Variants in SSC4D observed in about 807,000 individuals in gnomAD.
SSC4D encodes scavenger receptor cysteine rich family member with 4 domains.
SSC4D carries 57 observed loss-of-function variants against 63.4 expected under a neutral mutation model. The ratio of observed to expected loss-of-function variants is 0.90; its 90% confidence interval spans 0.73 to 1.12. SSC4D has a LOEUF of 1.12. SSC4D is among the 50% of genes most tolerant of loss of function. SSC4D has a pLI of 0.00. For missense variants in SSC4D, 791 were observed against 806.4 expected, an observed-to-expected ratio of 0.98 and a Z score of 0.23; for synonymous variants, 352 against 345.4, an observed-to-expected ratio of 1.02 and a Z score of -0.21.
intron 1 of SSC4D, among the ~76,000 whole-genome samples, chr7:76,407,685 A>G (rs1311630174): frequency 6.6e-6 from 1 of 152,124 alleles, no homozygotes; most frequent in Non-Finnish European, 1.5e-5. Flanking sequence ...GTTAGCCATG[A>G]TCATGCCACT....
Position 76,397,880 on chromosome 7 carries a change from CCCCGT to C in SSC4D, c.554-53_554-49del, listed in dbSNP as rs1302378540. The stretch of plus-strand genomic sequence containing the variant: ...GGGCGCATCTCCCACTGGCCTCTGC[CCCCGT>C]CCGCACCGCAAGGGCAGCCCGGTGT... On this transcript the variant is annotated intron_variant, in intron 5 of 10. Transcript: ENST00000275560. The C allele has an allele frequency of 8.9e-6, 13 of 1,467,058 alleles. No homozygotes were observed. The Admixed American group carries it at 3.2e-4, about 36-fold the overall frequency. 90.9% of individuals were successfully genotyped at this position (1,467,058 alleles called of 1,614,324 possible).
Position 76,409,413 on chromosome 7 carries a change from C to A in SSC4D, c.-67+1G>T. 1 of 152,462 alleles carries A rather than the reference C, an allele frequency of 6.6e-6. No individual in the cohort carries two copies. Among genetic ancestry groups the A allele is most frequent in the Non-Finnish European group, 1.5e-5 (1 of 68,288 alleles). The allele number at this position is 152,462 out of a possible 1,614,324, so 9.4% of individuals were successfully genotyped here. A position where few individuals can be genotyped will look rare whatever the true frequency, so the allele number is the denominator to read the frequency against. On this transcript the variant is annotated splice_donor_variant, in intron 1 of 10. Coordinates refer to ENST00000275560, the MANE Select transcript of SSC4D (RefSeq NM_080744.2). LOFTEE classifies it low-confidence loss of function (5UTR_SPLICE). ...CTCCAGCAAAAGTGAAGGATTCATACCTGGGGGAATGTTCTGGGCTCTTTC... is the reference window on the plus strand; with the variant it reads ...CTCCAGCAAAAGTGAAGGATTCATAACTGGGGGAATGTTCTGGGCTCTTTC...
intron 5 of SSC4D, among the ~76,000 whole-genome samples, chr7:76,398,033 C>T (rs1352437734): frequency 6.6e-6 from 1 of 152,106 alleles, no homozygotes; most frequent in South Asian, 2.1e-4. Context: ...AACCCCCCTA[C>T]CCTGCTCCCT....
intron 2 of SSC4D, 26 bp from the exon 3 acceptor site, chr7:76,401,069 G>A: frequency 6.5e-7 from 1 of 1,533,970 alleles, no homozygotes; most frequent in Middle Eastern, 1.7e-4. Flanking sequence ...GAAGAGCATT[G>A]GCCCCTCTGC....
Position 76,400,238 on chromosome 7 carries a change from T to G in SSC4D, c.475+48A>C, listed in dbSNP as rs771145890. ...TCATTTATCTAGCCTACAGCCCTGC[T>G]GCCTGCCACAGTCTGTCTGTCCCTC... On this transcript the variant is annotated intron_variant, in intron 4 of 10. Coordinates refer to ENST00000275560, the MANE Select transcript of SSC4D (RefSeq NM_080744.2). 29 of 1,430,232 alleles carry G rather than the reference T, an allele frequency of 2.0e-5. No homozygotes were observed. In the East Asian group the frequency reaches 7.7e-4, roughly 38 times the overall value. 88.6% of individuals were successfully genotyped at this position (1,430,232 alleles called of 1,614,324 possible).
chr7:76,395,133 TG>T, intron 7 of SSC4D, 119 bp downstream of exon 7: 1 of 1,138,526 alleles, frequency 8.8e-7, no homozygotes, highest in Non-Finnish European at 1.3e-6. Flanking sequence ...CTGCACCATC[TG>T]GCCAAAGCCC....
chr7:76,404,554 G>A (rs971704693), intron 1 of SSC4D, 49 bp from the exon 2 acceptor site: 77 of 1,510,558 alleles, frequency 5.1e-5, no homozygotes, highest in Non-Finnish European at 6.6e-5. Context: ...CACTTTGGGA[G>A]GCCGAGGTGG....
In SSC4D at chr7:76,397,749, C is replaced by T; in HGVS notation, c.637G>A (p.Val213Met). The change falls in exon 6 of 11, where the codon GTG (valine) becomes ATG (methionine). Residue 213 changes from valine to methionine, a missense_variant. Coordinates refer to ENST00000275560, the MANE Select transcript of SSC4D (RefSeq NM_080744.2). ...GGCAGCCCCCAGTCGTCGTCACACA[C>T]GGTGCCCCACAGGCCACTGTGCAGG... ...EILHSGLWGT[V>M]CDDDWGLPDA... 3 of 1,613,118 alleles carry T rather than the reference C, an allele frequency of 1.9e-6. No homozygotes were observed. The highest frequency in any genetic ancestry group is 1.1e-5 in the South Asian group (1 of 91,036).
chr7:76,392,538 C>CAAA (rs1172136856), intron 9 of SSC4D, among the ~76,000 whole-genome samples: 3 of 111,440 alleles, frequency 2.7e-5, no homozygotes, highest in Non-Finnish European at 3.8e-5. Flanking sequence ...GACTCTGTCT[C>CAAA]AAAAAAAAAA....
At chr7:76,409,087 A>G (rs1428160645) in intron 1 of SSC4D, among the ~76,000 whole-genome samples, 1 of 152,150 alleles carries the variant, frequency 6.6e-6, no homozygotes, top group Non-Finnish European at 1.5e-5. Context: ...TATTGTTATC[A>G]TTACTGTTTC....
chr7:76,408,899 T>C (rs1361475008), intron 1 of SSC4D, among the ~76,000 whole-genome samples: 7 of 152,164 alleles, frequency 4.6e-5, no homozygotes, highest in Admixed American at 3.9e-4. Flanking sequence ...CGGTTCATAT[T>C]GCAGCATCAG....
rs537628334 is a variant in SSC4D, at chr7:76,397,685, G to A, written c.701C>T (p.Ala234Val). The A allele has an allele frequency of 8.7e-6, 14 of 1,613,274 alleles. No homozygotes were observed. In the African/African-American group the frequency reaches 9.3e-5, roughly 11 times the overall value. ...GGCGTTGGTGGTGGCGGCCATGGCCGCCCCGCAGCCCAGCTGACGACAGAC... is the reference window on the plus strand; with the variant it reads ...GGCGTTGGTGGTGGCGGCCATGGCCACCCCGCAGCCCAGCTGACGACAGAC... Reference protein sequence around the residue: ...AVVCRQLGCGAAMAATTNAFF... With the variant: ...AVVCRQLGCGVAMAATTNAFF... The change falls in exon 6 of 11, where the codon GCG becomes GTG. Residue 234 changes from alanine (A) to valine (V), a missense_variant. Coordinates refer to ENST00000275560, the MANE Select transcript of SSC4D (RefSeq NM_080744.2).
At chr7:76,395,583 C>T (rs534892280) in intron 6 of SSC4D, among the ~76,000 whole-genome samples, 12 of 152,340 alleles carry the variant, frequency 7.9e-5, no homozygotes, top group African/African-American at 2.9e-4. Context: ...TCATTTCTCT[C>T]TAATGTCCCA....
At chr7:76,404,263 A>T (rs1349243037) in intron 2 of SSC4D, 44 bp downstream of exon 2, 1 of 1,499,516 alleles carries the variant, frequency 6.7e-7, no homozygotes. Flanking sequence ...GACAACTGAG[A>T]TTCAGAAAGA....
At position 76,390,654 on chromosome 7, in the gene SSC4D, A is replaced by G. The variant is rs529436262; in HGVS notation, c.1412-279T>C. Among the ~76,000 whole-genome samples, 362 of 152,246 alleles carry G rather than the reference A, an allele frequency of 2.4e-3. 4 individuals carry two copies. The highest frequency in any genetic ancestry group is 8.3e-3 in the African/African-American group (346 of 41,536). On this transcript the variant is annotated intron_variant, in intron 10 of 10. Transcript: ENST00000275560. ...AACAGGGTGAAACCCCGTCTCTACTAAAAATACAAAAAATTAGCTGGGCGT... is the reference window on the plus strand; with the variant it reads ...AACAGGGTGAAACCCCGTCTCTACTGAAAATACAAAAAATTAGCTGGGCGT...
At chr7:76,393,322 G>A in intron 9 of SSC4D, 83 bp downstream of exon 9, 12 of 1,260,254 alleles carry the variant, frequency 9.5e-6, no homozygotes, top group Non-Finnish European at 1.2e-5. Flanking sequence ...CGCAAGAGAG[G>A]CCTCGCGCGT....
rs1380396607 is a variant in SSC4D, at chr7:76,397,601, T to A, written c.785A>T (p.Glu262Val). ...LLDNVHCEGG[E>V]PRLAACQSLG... is the part of the protein sequence containing the mutation. ...GCTCTGGCAGGCTGCCAGGCGGGGC[T>A]CGCCGCCTTCGCAGTGCACGTTGTC... Residue 262 changes from glutamate to valine, a missense_variant, in exon 6 of 11, where the codon GAG becomes GTG. Transcript: ENST00000275560. 9 of 1,609,096 alleles carry A rather than the reference T, an allele frequency of 5.6e-6. No individual in the cohort carries two copies. Among genetic ancestry groups the A allele is most frequent in the African/African-American group, 1.3e-5 (1 of 74,880 alleles).
chr7:76,395,239 G>T lies in SSC4D; in HGVS notation c.946+14C>A, dbSNP rs750746552. 2 of 1,613,478 alleles carry T rather than the reference G, an allele frequency of 1.2e-6. No homozygotes were observed. The highest frequency in any genetic ancestry group is 1.1e-5 in the South Asian group (1 of 91,054). ...TACCCCTACCATTCCCGCCTGGAGG[G>T]CTGAGCTCTTTACCGGACGGATCTG... On this transcript the variant is annotated intron_variant, in intron 7 of 10. Transcript: ENST00000275560.
chr7:76,405,302 T>TATATATATATATAC (rs1804971155), intron 1 of SSC4D, among the ~76,000 whole-genome samples: 3 of 58,366 alleles, frequency 5.1e-5, no homozygotes, highest in Non-Finnish European at 9.5e-5. Flanking sequence ...TATATATATA[T>TATATATATATATAC]ATATATATAT....
Sources: allele counts gnomAD v4.1 joint callset (sites outside exome capture counted in the v4.1 genomes callset), GRCh38; gene constraint gnomAD v4.1.1; transcripts MANE v1.5; gene names NCBI Gene and HGNC (gene_info 2026-07-23, HGNC 2026-07-21).